DOCK4: variants seen among roughly 807,000 people sequenced by gnomAD.
DOCK4 encodes dedicator of cytokinesis 4.
In DOCK4, 97 loss-of-function variants were observed where a neutral mutation model predicts 268.1. The ratio of observed to expected loss-of-function variants is 0.36; its 90% CI spans 0.31 to 0.43. The LOEUF (loss-of-function observed/expected upper bound fraction) is 0.43. Ranked by LOEUF, DOCK4 falls within the 20% of genes least tolerant of loss-of-function variation. DOCK4 has a pLI of 1.00. For missense variants in DOCK4, 2,145 were observed against 2,455.7 expected (o/e 0.87, Z 2.67); for synonymous variants, 954 against 887.2 (o/e 1.08, Z -1.34).
At chr7:111,961,659 G>A (rs903084151) in intron 8 of DOCK4, among the ~76,000 whole-genome samples, 2 of 152,156 alleles carry the variant, frequency 1.3e-5, no homozygotes, top group African/African-American at 4.8e-5. Context: ...CTGAATCAAG[G>A]CTCGTGCTTC....
At chr7:112,113,438 G>C (rs1244013238) in intron 1 of DOCK4, among the ~76,000 whole-genome samples, 1 of 151,980 alleles carries the variant, frequency 6.6e-6, no homozygotes, top group East Asian at 1.9e-4. Context: ...GGCAGGTAAG[G>C]AGAGAAAAAA....
At chr7:112,001,962 T>C (rs1800460024) in intron 2 of DOCK4, among the ~76,000 whole-genome samples, 1 of 152,200 alleles carries the variant, frequency 6.6e-6, no homozygotes, top group South Asian at 2.1e-4. Flanking sequence ...AGGATATATA[T>C]TGTATTTTTT....
intron 30 of DOCK4, 25 bp downstream of exon 30, chr7:111,808,796 T>A: frequency 6.2e-7 from 1 of 1,607,020 alleles, no homozygotes; most frequent in Non-Finnish European, 8.5e-7. Flanking sequence ...GTATAGTAGA[T>A]GTGGCTTCTC....
chr7:112,084,074 T>C (rs1808837759), intron 1 of DOCK4, among the ~76,000 whole-genome samples: 1 of 152,182 alleles, frequency 6.6e-6, no homozygotes, highest in Non-Finnish European at 1.5e-5. Flanking sequence ...TAAACATTTC[T>C]GGAACAGACC....
At chr7:111,926,099 A>T (rs1793609685) in intron 12 of DOCK4, among the ~76,000 whole-genome samples, 1 of 126,950 alleles carries the variant, frequency 7.9e-6, no homozygotes, top group South Asian at 2.6e-4. Context: ...GAAAAAAGAA[A>T]GAGAGAGAGA....
intron 15 of DOCK4, among the ~76,000 whole-genome samples, chr7:111,896,902 T>C (rs904642093): frequency 9.9e-5 from 15 of 152,018 alleles, no homozygotes; most frequent in Admixed American, 1.3e-4. Flanking sequence ...TTCAACCCCA[T>C]AGAGAAACTG....
chr7:111,739,461 G>T lies in DOCK4; in HGVS notation c.5057C>A (p.Ser1686Ter). The T allele has an allele frequency of 6.4e-7, 1 of 1,568,524 alleles. No homozygotes were observed. Among genetic ancestry groups the T allele is most frequent in the East Asian group, 2.4e-5 (1 of 42,274 alleles). The change falls in exon 48 of 53, where the codon TCA becomes TAA. Residue 1686 changes from serine (S) to a stop codon, truncating the protein, a stop_gained. Coordinates refer to ENST00000428084, the MANE Select transcript of DOCK4 (RefSeq NM_001363540.2). LOFTEE classifies it high-confidence loss of function. Reference sequence around the variant, plus strand: ...AGCCGAGTGAGTAGAACTCAAGCTTGAGGTAGATGGACTTGGCTGGAAACA... The same window carrying T: ...AGCCGAGTGAGTAGAACTCAAGCTTTAGGTAGATGGACTTGGCTGGAAACA... Reference protein sequence around the residue: ...VFNMQPSPSTSSLSSTHSASP... With the variant: ...VFNMQPSPST
intron 1 of DOCK4, among the ~76,000 whole-genome samples, chr7:112,139,744 G>C (rs1296211946): frequency 6.6e-6 from 1 of 152,162 alleles, no homozygotes; most frequent in Non-Finnish European, 1.5e-5. Context: ...ATGTACTAAA[G>C]AGACAGAAAA....
At chr7:111,811,599 T>A (rs780885386) in intron 28 of DOCK4, among the ~76,000 whole-genome samples, 48 of 152,276 alleles carry the variant, frequency 3.2e-4, no homozygotes, top group Non-Finnish European at 6.3e-4. Context: ...AAAAACACTA[T>A]GTTTTGAGTC....
In DOCK4 at chr7:111,903,453, C is replaced by T. The variant is rs374848245; in HGVS notation, c.1193-1652G>A. Among the ~76,000 whole-genome samples, 6 of 152,296 alleles carry T rather than the reference C, an allele frequency of 3.9e-5. No homozygotes were observed. In the East Asian group the frequency reaches 9.6e-4, roughly 24 times the overall value. On this transcript the variant is annotated intron_variant, in intron 13 of 52. Transcript: ENST00000428084. ...AACTTAAAGTCCAGGAGAAAAGCAA[C>T]ATATTTCAACACTTTAAAAATTATA...
intron 1 of DOCK4, among the ~76,000 whole-genome samples, chr7:112,098,095 C>T (rs1810316013): frequency 6.6e-6 from 1 of 152,158 alleles, no homozygotes; most frequent in East Asian, 1.9e-4. Flanking sequence ...ACTAAAAATG[C>T]AAGGATAATC....
At chr7:111,857,585 T>C (rs1268569149) in intron 23 of DOCK4, among the ~76,000 whole-genome samples, 1 of 152,198 alleles carries the variant, frequency 6.6e-6, no homozygotes, top group Non-Finnish European at 1.5e-5. Flanking sequence ...AGCTATTTTT[T>C]AGCAAGAAAA....
intron 1 of DOCK4, among the ~76,000 whole-genome samples, chr7:112,177,368 C>G (rs1401168629): frequency 6.6e-6 from 1 of 152,196 alleles, no homozygotes; most frequent in East Asian, 1.9e-4. Flanking sequence ...AGTGAAGAAG[C>G]TAATAATGCA....
At chr7:111,815,086 G>A (rs1195662040) in intron 27 of DOCK4, among the ~76,000 whole-genome samples, 3 of 152,042 alleles carry the variant, frequency 2.0e-5, no homozygotes, top group Admixed American at 2.0e-4. Context: ...TACTTGATAA[G>A]CCAATAATTA....
chr7:111,760,174 C>A lies in DOCK4; in HGVS notation c.4162+7G>T, dbSNP rs370218736. The A allele has an allele frequency of 1.2e-6, 2 of 1,613,642 alleles. No homozygotes were observed. Among genetic ancestry groups the A allele is most frequent in the African/African-American group, 1.3e-5 (1 of 74,908 alleles). On this transcript the variant is annotated splice_region_variant and intron_variant, in intron 40 of 52. Transcript: ENST00000428084. Reference sequence around the variant, plus strand: ...TCACTGAGTCCAGCCCTTGTAGGTGCGGATACACTGAGCTTCTGCCTGGAA... The same window carrying A: ...TCACTGAGTCCAGCCCTTGTAGGTGAGGATACACTGAGCTTCTGCCTGGAA...
intron 16 of DOCK4, among the ~76,000 whole-genome samples, chr7:111,883,290 C>T (rs554487200): frequency 1.3e-5 from 2 of 152,260 alleles, no homozygotes; most frequent in Admixed American, 6.5e-5. Context: ...CCACATTCAC[C>T]CTATCTGGTC....
intron 1 of DOCK4, among the ~76,000 whole-genome samples, chr7:112,147,773 C>T (rs982225332): frequency 1.4e-5 from 2 of 141,798 alleles, no homozygotes; most frequent in African/African-American, 5.2e-5. Flanking sequence ...TACACAGGAA[C>T]AATTCCCAGG....
chr7:111,740,956 G>A, intron 47 of DOCK4, 138 bp downstream of exon 47: 1 of 993,968 alleles, frequency 1.0e-6, no homozygotes. Flanking sequence ...CATAAAGCAA[G>A]AAGAGTGTTT....
intron 1 of DOCK4, among the ~76,000 whole-genome samples, chr7:112,021,330 T>C (rs545319109): frequency 6.6e-6 from 1 of 152,360 alleles, no homozygotes; most frequent in South Asian, 2.1e-4. Context: ...TTCATCTATA[T>C]AGGAGACTAG....
Sources: gnomAD v4.1 joint callset for allele counts (sites outside exome capture counted in the v4.1 genomes callset) on GRCh38, gnomAD v4.1.1 for gene constraint, MANE v1.5 for transcripts, NCBI Gene and HGNC (gene_info 2026-07-23, HGNC 2026-07-21) for gene names.